GRM7: variants seen among roughly 807,000 people sequenced by gnomAD.
GRM7 encodes the protein glutamate metabotropic receptor 7.
A neutral mutation model predicts 84.5 loss-of-function variants in GRM7; 35 were observed. The ratio of observed to expected loss-of-function variants is 0.41; its 90% confidence interval spans 0.32 to 0.55. The LOEUF is 0.55. Ranked by LOEUF, GRM7 falls within the 20% of genes least tolerant of loss-of-function variation. The probability of loss-of-function intolerance (pLI) is 0.19; values close to 1 mark genes in which losing one functional copy is unlikely to be tolerated. For missense variants in GRM7, 1,003 were observed against 1,194.6 expected, an observed-to-expected ratio of 0.84 and a Z score of 2.36; for synonymous variants, 487 against 455.1, an observed-to-expected ratio of 1.07 and a Z score of -0.89.
intron 1 of GRM7, among the ~76,000 whole-genome samples, chr3:7,089,975 T>C (rs1441871831): frequency 2.6e-5 from 4 of 152,062 alleles, no homozygotes; most frequent in Non-Finnish European, 4.4e-5. Flanking sequence ...CTCAGGTAGC[T>C]GGGATTACAG....
intron 4 of GRM7, among the ~76,000 whole-genome samples, chr3:7,316,708 G>C (rs1700594995): frequency 6.6e-6 from 1 of 152,130 alleles, no homozygotes; most frequent in African/African-American, 2.4e-5. Context: ...TGTTAAGTTT[G>C]AGATACTTAT....
rs912029433 is a variant in GRM7, at chr3:7,392,280, G to A, written c.1034-22743G>A. Among the ~76,000 whole-genome samples, 4 of 152,302 alleles carry A rather than the reference G, an allele frequency of 2.6e-5. No homozygotes were observed. In the East Asian group the frequency reaches 7.7e-4, roughly 29 times the overall value. Reference sequence around the variant, plus strand: ...CTCTGGCTGCATGTCTGGCCACACAGAAGAAACCTTGGCTTCAGCAACTCT... The same window carrying A: ...CTCTGGCTGCATGTCTGGCCACACAAAAGAAACCTTGGCTTCAGCAACTCT... On this transcript the variant is annotated intron_variant, in intron 4 of 9. Coordinates refer to ENST00000357716, the MANE Select transcript of GRM7 (RefSeq NM_000844.4).
chr3:7,228,661 C>T (rs559970273), intron 2 of GRM7, among the ~76,000 whole-genome samples: 1 of 152,154 alleles, frequency 6.6e-6, no homozygotes, highest in Non-Finnish European at 1.5e-5. Flanking sequence ...CAATAAAAGT[C>T]TCTTTCACAA....
intron 8 of GRM7, among the ~76,000 whole-genome samples, chr3:7,649,677 G>A (rs1027973457): frequency 6.6e-6 from 1 of 151,888 alleles, no homozygotes; most frequent in Non-Finnish European, 1.5e-5. Flanking sequence ...TTTGTCTTTC[G>A]GCAGGGGATT....
At chr3:7,647,071 C>A (rs527569327) in intron 8 of GRM7, among the ~76,000 whole-genome samples, 1 of 152,174 alleles carries the variant, frequency 6.6e-6, no homozygotes, top group Non-Finnish European at 1.5e-5. Context: ...GTAGTCCATG[C>A]TTGATGAAAT....
rs141639299 is a variant in GRM7 at position 7,355,608 on chromosome 3, G to A, written c.1033+48956G>A. On this transcript the variant is annotated intron_variant, in intron 4 of 9. Transcript: ENST00000357716. ...CACTCTACTAAGTCTTTTACTGAAC[G>A]CATGACTGTGGGCCAACAAGTTACC... Among the ~76,000 whole-genome samples, 10 of 152,124 alleles carry A rather than the reference G, an allele frequency of 6.6e-5. No individual in the cohort carries two copies. In the South Asian group the frequency reaches 1.0e-3, roughly 16 times the overall value.
At chr3:7,052,515 TTTTA>T (rs1697044763) in intron 1 of GRM7, among the ~76,000 whole-genome samples, 1 of 151,670 alleles carries the variant, frequency 6.6e-6, no homozygotes, top group East Asian at 1.9e-4. Context: ...TGTCCTCCAA[TTTTA>T]TTTGTTTTGT....
At chr3:7,253,657 C>T (rs1378846227) in intron 2 of GRM7, among the ~76,000 whole-genome samples, 2 of 150,516 alleles carry the variant, frequency 1.3e-5, no homozygotes, top group African/African-American at 4.9e-5. Flanking sequence ...ATTCTCACAG[C>T]ATCCTTATGA....
chr3:7,421,715 C>G (rs540068889), intron 5 of GRM7, among the ~76,000 whole-genome samples: 5 of 152,136 alleles, frequency 3.3e-5, no homozygotes, highest in Non-Finnish European at 7.4e-5. Flanking sequence ...GACCTCAGGG[C>G]TTCTCCAGGT....
chr3:7,638,459 G>T (rs1698207206), intron 8 of GRM7, among the ~76,000 whole-genome samples: 1 of 152,180 alleles, frequency 6.6e-6, no homozygotes, highest in Non-Finnish European at 1.5e-5. Context: ...TCTAGATCCA[G>T]TTTGATGATA....
chr3:6,925,558 G>T (rs1258029787), intron 1 of GRM7, among the ~76,000 whole-genome samples: 1 of 152,106 alleles, frequency 6.6e-6, no homozygotes, highest in African/African-American at 2.4e-5. Flanking sequence ...GAGAAACCAG[G>T]ATCTTGATTT....
intron 2 of GRM7, among the ~76,000 whole-genome samples, chr3:7,262,099 C>CT (rs113620985): frequency 1.6e-3 from 231 of 143,450 alleles, no homozygotes; most frequent in East Asian, 8.3e-3. Flanking sequence ...TTGCCTTTGA[C>CT]TTTTTTTTTT....
intron 4 of GRM7, among the ~76,000 whole-genome samples, chr3:7,320,702 G>A (rs1007863393): frequency 6.6e-6 from 1 of 151,572 alleles, no homozygotes; most frequent in Non-Finnish European, 1.5e-5. Flanking sequence ...GTGTGTGTGT[G>A]TGTGTGTGTG....
intron 7 of GRM7, among the ~76,000 whole-genome samples, chr3:7,474,401 A>C (rs1303076224): frequency 4.6e-5 from 7 of 151,268 alleles, no homozygotes; most frequent in Admixed American, 4.0e-4. Context: ...CTTTCTTTCT[A>C]CCATTTTATG....
intron 1 of GRM7, among the ~76,000 whole-genome samples, chr3:6,974,786 AT>A (rs940467784): frequency 6.6e-6 from 1 of 152,212 alleles, no homozygotes; most frequent in Admixed American, 6.5e-5. Flanking sequence ...TGGAAACCTG[AT>A]TGAACTGTGA....
chr3:7,307,795 CTG>C (rs139578741), intron 4 of GRM7, among the ~76,000 whole-genome samples: 1,530 of 152,304 alleles, frequency 0.01, 21 homozygotes, highest in African/African-American at 0.035. Context: ...ACTGGAAAAA[CTG>C]TGTATCTGTT....
At chr3:6,999,079 A>G (rs182299492) in intron 1 of GRM7, among the ~76,000 whole-genome samples, 1 of 151,900 alleles carries the variant, frequency 6.6e-6, no homozygotes, top group East Asian at 1.9e-4. Flanking sequence ...AACTTTCCAA[A>G]TTTTTTTTGC....
chr3:7,036,158 T>A (rs575673931), intron 1 of GRM7, among the ~76,000 whole-genome samples: 1 of 152,294 alleles, frequency 6.6e-6, no homozygotes, highest in African/African-American at 2.4e-5. Context: ...CTATAGAGGT[T>A]ATGGCATTAT....
At chr3:7,079,516 T>C (rs899848886) in intron 1 of GRM7, among the ~76,000 whole-genome samples, 42 of 115,750 alleles carry the variant, frequency 3.6e-4, no homozygotes, top group African/African-American at 1.8e-3. Context: ...AAACATTTCT[T>C]TTTTTTTATT....
Sources: allele counts gnomAD v4.1 joint callset (sites outside exome capture counted in the v4.1 genomes callset), GRCh38; gene constraint gnomAD v4.1.1; transcripts MANE v1.5; gene names NCBI Gene and HGNC (gene_info 2026-07-23, HGNC 2026-07-21).